The following POT1 variants were observed in gnomAD, a reference collection of about 807,000 sequenced individuals.
POT1 encodes protection of telomeres 1.
In POT1, 47 loss-of-function variants were observed where a neutral mutation model predicts 78.5. The observed-to-expected ratio is 0.60, with a 90% CI of 0.47 to 0.76. The LOEUF is 0.76. Ranked by LOEUF, POT1 falls within the 30% of genes least tolerant of loss-of-function variation. The pLI is 0.00. For missense variants in POT1, 646 were observed against 749.9 expected (o/e 0.86, Z 1.62); for synonymous variants, 259 against 260.7 (o/e 0.99, Z 0.06).
chr7:124,902,454 C>A (rs1796644925), intron 3 of POT1, among the ~76,000 whole-genome samples: 1 of 152,084 alleles, frequency 6.6e-6, no homozygotes, highest in Non-Finnish European at 1.5e-5. Flanking sequence ...GAAATAAAAT[C>A]CTTTACAGAC....
intron 6 of POT1, among the ~76,000 whole-genome samples, chr7:124,875,022 T>C (rs1795955877): frequency 6.6e-6 from 1 of 152,158 alleles, no homozygotes; most frequent in Non-Finnish European, 1.5e-5. Flanking sequence ...TTCTCATCCC[T>C]TGAGGACCCA....
Position 124,913,762 on chromosome 7 carries a change from C to T in POT1, c.-154+1812G>A, listed in dbSNP as rs374460292. Among the ~76,000 whole-genome samples, 24 of 151,956 alleles carry T rather than the reference C, an allele frequency of 1.6e-4. 1 individual carries two copies. Among genetic ancestry groups the T allele is most frequent in the Admixed American group, 9.8e-4 (15 of 15,250 alleles). ...TTCTTAAATGGAGATAGTTTTATTCCTTCCCTTCTAATTGGAACGTCTTTT... is the reference window on the plus strand; with the variant it reads ...TTCTTAAATGGAGATAGTTTTATTCTTTCCCTTCTAATTGGAACGTCTTTT... On this transcript the variant is annotated intron_variant, in intron 3 of 18. Coordinates refer to ENST00000357628, the MANE Select transcript of POT1 (RefSeq NM_015450.3).
intron 14 of POT1, among the ~76,000 whole-genome samples, chr7:124,838,824 C>T (rs956543393): frequency 3.9e-5 from 6 of 152,006 alleles, no homozygotes; most frequent in African/African-American, 9.7e-5. Context: ...AGGCTGGTCT[C>T]GAACTCCCGA....
At chr7:124,877,368 T>C (rs1015268068) in intron 6 of POT1, among the ~76,000 whole-genome samples, 17 of 152,180 alleles carry the variant, frequency 1.1e-4, no homozygotes, top group African/African-American at 3.1e-4. Context: ...ACAGTATCTT[T>C]CTTAGGTAAT....
At position 124,851,894 on chromosome 7, in the gene POT1, T is replaced by C. The variant is rs2116500882; in HGVS notation, c.927A>G (p.Ser309=). The C allele has an allele frequency of 6.2e-7, 1 of 1,610,528 alleles. No homozygotes were observed. The highest frequency in any genetic ancestry group is 8.5e-7 in the Non-Finnish European group (1 of 1,177,014). The part of the protein sequence containing the change: ...ANQHSDVICQ[S]EPDDSFPSSG... ...TACTTGGAAAGCTGTCGTCAGGTTC[T>C]GATTGACAGATAACATCTGAATGCT... The change falls in exon 11 of 19, where the codon TCA becomes TCG. Residue 309 remains serine, a synonymous_variant. Transcript: ENST00000357628.
intron 6 of POT1, among the ~76,000 whole-genome samples, chr7:124,887,430 T>C (rs1796273084): frequency 6.6e-6 from 1 of 152,090 alleles, no homozygotes; most frequent in Non-Finnish European, 1.5e-5. Context: ...TTTTTTACAT[T>C]ATACGTTAAT....
chr7:124,831,990 T>C, intron 15 of POT1, among the ~76,000 whole-genome samples: 1 of 131,844 alleles, frequency 7.6e-6, no homozygotes, highest in African/African-American at 2.9e-5. Flanking sequence ...ACATTTAATT[T>C]CTTAAAAATA....
intron 12 of POT1, among the ~76,000 whole-genome samples, chr7:124,844,259 G>C (rs1225825670): frequency 6.6e-6 from 1 of 150,810 alleles, no homozygotes; most frequent in Non-Finnish European, 1.5e-5. Flanking sequence ...CTCCTAAGTA[G>C]CTGGGATTAC....
At chr7:124,925,619 T>C (rs962388870) in intron 2 of POT1, among the ~76,000 whole-genome samples, 2 of 152,090 alleles carry the variant, frequency 1.3e-5, no homozygotes, top group Non-Finnish European at 2.9e-5. Flanking sequence ...CTAAAGTTCA[T>C]ATGGAACCAA....
chr7:124,894,660 G>C (rs1024619685), intron 5 of POT1, among the ~76,000 whole-genome samples: 1 of 151,444 alleles, frequency 6.6e-6, no homozygotes, highest in African/African-American at 2.4e-5. Flanking sequence ...ACTTCAACAA[G>C]GTAATTAAAT....
chr7:124,918,150 T>A (rs904108539), intron 2 of POT1, among the ~76,000 whole-genome samples: 2 of 152,176 alleles, frequency 1.3e-5, no homozygotes, highest in Non-Finnish European at 2.9e-5. Context: ...CCAAATGCCA[T>A]CCATAACTAG....
rs960754791 is a variant in POT1 at position 124,892,464 on chromosome 7, C to T, written c.10-84G>A. 1.0e-5 allele frequency: 7 copies of T among 678,412 alleles called. No individual in the cohort carries two copies. In the Admixed American group the frequency reaches 1.6e-4, roughly 16 times the overall value. The allele number at this position is 678,412 out of a possible 1,614,324, so 42.0% of individuals were successfully genotyped here. ...GTTATAATCATATTAGCAGCAAATC[C>T]ATGTAACTATTTTATCCTTTTAAGT... is the stretch of plus-strand genomic sequence containing the variant. On this transcript the variant is annotated intron_variant, in intron 5 of 18. Coordinates refer to ENST00000357628, the MANE Select transcript of POT1 (RefSeq NM_015450.3).
chr7:124,856,880 A>G (rs1181045541), intron 9 of POT1, among the ~76,000 whole-genome samples: 2 of 152,192 alleles, frequency 1.3e-5, no homozygotes, highest in African/African-American at 4.8e-5. Flanking sequence ...TCAGGGAAAT[A>G]ATGTCAAAAA....
chr7:124,900,665 C>T (rs909265623), intron 3 of POT1, among the ~76,000 whole-genome samples: 7 of 152,024 alleles, frequency 4.6e-5, no homozygotes, highest in African/African-American at 1.7e-4. Context: ...ACAGTGGGTG[C>T]AGCCCATGGA....
At chr7:124,891,804 A>AC (rs71163756) in intron 6 of POT1, among the ~76,000 whole-genome samples, 47,396 of 150,700 alleles carry the variant, frequency 0.31, 7,446 homozygotes, top group South Asian at 0.39. Context: ...TTTTACTTCT[A>AC]CCCCCCACCA....
At chr7:124,832,572 T>C (rs558917227) in intron 15 of POT1, among the ~76,000 whole-genome samples, 39 of 152,230 alleles carry the variant, frequency 2.6e-4, no homozygotes, top group African/African-American at 8.7e-4. Context: ...CCCAGCACTT[T>C]GGGAGGCCGA....
intron 15 of POT1, among the ~76,000 whole-genome samples, chr7:124,831,520 A>G (rs963575626): frequency 1.3e-5 from 2 of 152,102 alleles, no homozygotes; most frequent in Non-Finnish European, 2.9e-5. Flanking sequence ...TACTACAACC[A>G]CATCATATAA....
intron 6 of POT1, among the ~76,000 whole-genome samples, chr7:124,883,693 TAA>T (rs1310748067): frequency 6.6e-6 from 1 of 152,030 alleles, no homozygotes; most frequent in Non-Finnish European, 1.5e-5. Flanking sequence ...GATATATGCA[TAA>T]GTCTGTATAC....
chr7:124,862,924 T>A (rs188730853), intron 8 of POT1, among the ~76,000 whole-genome samples: 13 of 152,232 alleles, frequency 8.5e-5, no homozygotes, highest in Admixed American at 2.0e-4. Context: ...ATGGTATGAC[T>A]ATGAAGTAGG....
Sources: allele counts gnomAD v4.1 joint callset (sites outside exome capture counted in the v4.1 genomes callset), GRCh38; gene constraint gnomAD v4.1.1; transcripts MANE v1.5; gene names NCBI Gene and HGNC (gene_info 2026-07-23, HGNC 2026-07-21).